RAB27A: variants seen among roughly 807,000 people sequenced by gnomAD.
The protein encoded by RAB27A is RAB27A, member RAS oncogene family.
A neutral mutation model predicts 20.8 loss-of-function variants in RAB27A; 17 were observed. The ratio of observed to expected loss-of-function variants is 0.82; its 90% CI spans 0.56 to 1.23. The LOEUF (loss-of-function observed/expected upper bound fraction) is 1.23, where lower values mean the gene tolerates loss of function less well. Ranked by LOEUF, RAB27A falls within the 50% of genes most tolerant of loss-of-function variation. RAB27A has a pLI of 0.00. For missense variants in RAB27A, 277 were observed against 266.7 expected (o/e 1.04, Z -0.27); for synonymous variants, 85 against 92.8 (o/e 0.92, Z 0.48).
chr15:55,308,747 A>G (rs1256860970), intron 2 of RAB27A, among the ~76,000 whole-genome samples: 1 of 152,252 alleles, frequency 6.6e-6, no homozygotes, highest in Non-Finnish European at 1.5e-5. Flanking sequence ...CTGATATTTA[A>G]GTAAACGGTT....
chr15:55,293,745 C>T (rs191470706), upstream of RAB27A, among the ~76,000 whole-genome samples: 1 of 152,094 alleles, frequency 6.6e-6, no homozygotes, highest in Non-Finnish European at 1.5e-5. Context: ...TGGCGAAACC[C>T]GTCTCTACTA....
chr15:55,210,712 A>G (rs895941113), intron 6 of RAB27A, among the ~76,000 whole-genome samples: 10 of 152,040 alleles, frequency 6.6e-5, no homozygotes, highest in Non-Finnish European at 1.2e-4. Flanking sequence ...ATCCCATTCT[A>G]TGGGTTATCT....
intron 2 of RAB27A, among the ~76,000 whole-genome samples, chr15:55,257,109 T>C (rs1897107662): frequency 6.6e-6 from 1 of 152,026 alleles, no homozygotes; most frequent in Non-Finnish European, 1.5e-5. Flanking sequence ...GAGGCCAAAA[T>C]AATGTTGCCA....
intron 1 of RAB27A, among the ~76,000 whole-genome samples, chr15:55,278,933 C>T (rs1287558106): frequency 6.6e-5 from 10 of 152,110 alleles, no homozygotes; most frequent in African/African-American, 2.2e-4. Flanking sequence ...GGATGAAATA[C>T]CATTTCTGAA....
intron 2 of RAB27A, among the ~76,000 whole-genome samples, chr15:55,268,715 A>C (rs1021041733): frequency 6.6e-6 from 1 of 152,250 alleles, no homozygotes; most frequent in African/African-American, 2.4e-5. Context: ...CAGTCCAGGC[A>C]CTGGGCTTAA....
intron 5 of RAB27A, among the ~76,000 whole-genome samples, chr15:55,224,544 T>C (rs945028131): frequency 1.3e-4 from 20 of 152,312 alleles, no homozygotes; most frequent in Non-Finnish European, 2.4e-4. Flanking sequence ...GATACAGGCT[T>C]CAATGAGAAG....
intron 2 of RAB27A, among the ~76,000 whole-genome samples, chr15:55,306,727 A>G (rs376250466): frequency 1.3e-5 from 2 of 152,202 alleles, no homozygotes; most frequent in Non-Finnish European, 2.9e-5. Context: ...ATAAACTCCT[A>G]TACGATGGGG....
Position 55,202,981 on chromosome 15 carries a change from C to T in RAB27A, c.*2526G>A, listed in dbSNP as rs1225662849. On this transcript the variant is annotated 3_prime_UTR_variant, in exon 7 of 7. Coordinates refer to ENST00000336787, the MANE Select transcript of RAB27A (RefSeq NM_183235.3). ...CACACACAAATTTGACAGACTAGAC[C>T]ACTTTTTTATTACAGCTTAATTGGC... 1 of 152,174 alleles carries T rather than the reference C, an allele frequency of 6.6e-6. No individual in the cohort carries two copies. The highest frequency in any genetic ancestry group is 1.9e-4 in the East Asian group (1 of 5,200). 9.4% of individuals were successfully genotyped at this position (152,174 alleles called of 1,614,324 possible). A position where few individuals can be genotyped will look rare whatever the true frequency, so the allele number is the denominator to read the frequency against.
intron 2 of RAB27A, among the ~76,000 whole-genome samples, chr15:55,262,467 G>A (rs373135239): frequency 3.2e-4 from 48 of 151,040 alleles, no homozygotes; most frequent in South Asian, 1.0e-3. Context: ...GCGTGAACCC[G>A]GGAGGCAGAG....
intron 2 of RAB27A, among the ~76,000 whole-genome samples, chr15:55,299,100 G>GA (rs1274484599): frequency 1.3e-5 from 2 of 152,310 alleles, no homozygotes; most frequent in African/African-American, 4.8e-5. Context: ...GACAGGCATA[G>GA]AAAATCACAA....
At chr15:55,253,987 A>G (rs1896991637) in intron 2 of RAB27A, among the ~76,000 whole-genome samples, 1 of 152,226 alleles carries the variant, frequency 6.6e-6, no homozygotes, top group Admixed American at 6.5e-5. Context: ...TCACAAAAAC[A>G]AGTAACAGTA....
intron 2 of RAB27A, among the ~76,000 whole-genome samples, chr15:55,299,709 G>A (rs2054963511): frequency 6.6e-6 from 1 of 151,984 alleles, no homozygotes; most frequent in South Asian, 2.1e-4. Flanking sequence ...ATTAGTTCTG[G>A]GACCAGAAAA....
chr15:55,256,745 T>C (rs1566923742), intron 2 of RAB27A, among the ~76,000 whole-genome samples: 1 of 152,204 alleles, frequency 6.6e-6, no homozygotes, highest in South Asian at 2.1e-4. Flanking sequence ...TCTGCCACCA[T>C]CTGTTTAGAC....
chr15:55,262,636 TTTTTG>T (rs1897316586), intron 2 of RAB27A, among the ~76,000 whole-genome samples: 1 of 106,066 alleles, frequency 9.4e-6, no homozygotes, highest in Admixed American at 8.8e-5. Flanking sequence ...TTTTTCTTTT[TTTTTG>T]TTTTTTTTTG....
chr15:55,234,218 C>G (rs942301777), intron 3 of RAB27A, among the ~76,000 whole-genome samples: 3 of 152,180 alleles, frequency 2.0e-5, no homozygotes, highest in Non-Finnish European at 4.4e-5. Context: ...ACTAGAATAA[C>G]TTTCAGTCTC....
chr15:55,237,784 A>G (rs1318373708), intron 2 of RAB27A, among the ~76,000 whole-genome samples: 1 of 152,060 alleles, frequency 6.6e-6, no homozygotes, highest in Non-Finnish European at 1.5e-5. Flanking sequence ...CACTGTGACT[A>G]CCTTATTTCC....
intron 2 of RAB27A, among the ~76,000 whole-genome samples, chr15:55,248,607 A>G (rs1212846523): frequency 6.6e-6 from 1 of 152,188 alleles, no homozygotes; most frequent in Non-Finnish European, 1.5e-5. Flanking sequence ...GTTTCACCAT[A>G]ATGTTAATGA....
At chr15:55,276,454 C>A (rs903883808) in intron 1 of RAB27A, among the ~76,000 whole-genome samples, 4 of 152,270 alleles carry the variant, frequency 2.6e-5, no homozygotes, top group South Asian at 2.1e-4. Context: ...CCTGTAGCCC[C>A]AGCTACTCAA....
At chr15:55,209,396 G>A (rs1227661196) in intron 6 of RAB27A, among the ~76,000 whole-genome samples, 1 of 152,042 alleles carries the variant, frequency 6.6e-6, no homozygotes, top group African/African-American at 2.4e-5. Context: ...TGCAACATTT[G>A]TCTTTCTGTG....
Sources: allele counts gnomAD v4.1 joint callset (sites outside exome capture counted in the v4.1 genomes callset), GRCh38; gene constraint gnomAD v4.1.1; transcripts MANE v1.5; gene names NCBI Gene and HGNC (gene_info 2026-07-23, HGNC 2026-07-21).